Variants in SOCS7 observed in about 807,000 individuals in gnomAD.
SOCS7 encodes NAP-4.
Under a neutral mutation model 58.9 loss-of-function variants are expected in SOCS7, and 18 were observed. That is an observed-to-expected ratio of 0.31 (90% CI 0.21 to 0.45). SOCS7 has a LOEUF of 0.45. Among genes scored for constraint, SOCS7 ranks in the 20% least tolerant of loss-of-function variants. The probability of loss-of-function intolerance (pLI) is 1.00; values close to 1 mark genes in which losing one functional copy is unlikely to be tolerated. For missense variants in SOCS7, 667 were observed against 837.3 expected, an observed-to-expected ratio of 0.80 and a Z score of 2.51; for synonymous variants, 388 against 364.3, an observed-to-expected ratio of 1.06 and a Z score of -0.74.
At position 38,374,637 on chromosome 17, in the gene SOCS7, T is replaced by C. The variant is rs200429449; in HGVS notation, c.1553-3077T>C. ...AATCAAGGAAATCATGAAAGAGATA[T>C]GGCAAAAAAAGAAGGTGAAGGGTGA... On this transcript the variant is annotated intron_variant, in intron 6 of 9. Transcript: ENST00000612932. 1.2e-4 allele frequency among the ~76,000 whole-genome samples: 19 copies of C among 152,178 alleles called. No individual in the cohort carries two copies. In the East Asian group the frequency reaches 3.1e-3, roughly 25 times the overall value.
intron 6 of SOCS7, among the ~76,000 whole-genome samples, chr17:38,368,699 A>G (rs558422578): frequency 1.3e-4 from 20 of 152,156 alleles, no homozygotes; most frequent in Non-Finnish European, 2.4e-4. Flanking sequence ...ACAGTGTTTT[A>G]TTCTGTTGGC....
At chr17:38,385,087 G>A (rs1402883909) in intron 7 of SOCS7, among the ~76,000 whole-genome samples, 3 of 144,888 alleles carry the variant, frequency 2.1e-5, no homozygotes, top group African/African-American at 7.7e-5. Context: ...TAGTAGAGAC[G>A]GGGTTTCATC....
intron 7 of SOCS7, among the ~76,000 whole-genome samples, chr17:38,383,746 A>G (rs892094208): frequency 5.9e-5 from 9 of 151,778 alleles, no homozygotes; most frequent in African/African-American, 2.2e-4. Context: ...GTTTCACCAT[A>G]TTGGTCAGGC....
intron 7 of SOCS7, among the ~76,000 whole-genome samples, chr17:38,387,113 A>ATATATATATGTGTGTG (rs2038081852): frequency 1.3e-3 from 139 of 103,272 alleles, no homozygotes; most frequent in Non-Finnish European, 2.0e-3. Flanking sequence ...ATATATATAT[A>ATATATATATGTGTGTG]TATATATATA....
At chr17:38,370,071 G>A (rs1265524875) in intron 6 of SOCS7, among the ~76,000 whole-genome samples, 2 of 151,886 alleles carry the variant, frequency 1.3e-5, no homozygotes, top group African/African-American at 4.8e-5. Flanking sequence ...GATTACAGGC[G>A]TGAGCCACCA....
At chr17:38,390,610 A>C (rs1300506407) in intron 7 of SOCS7, among the ~76,000 whole-genome samples, 1 of 150,282 alleles carries the variant, frequency 6.7e-6, no homozygotes, top group East Asian at 1.9e-4. Context: ...AACTCTTTGA[A>C]CAATGTTTTA....
chr17:38,403,943 T>G lies in SOCS7; in HGVS notation c.*4461T>G, dbSNP rs2038355971. ...CAGTAGTTCAAAATGATTTATTTGC[T>G]CCTGGGGAGTAAAACCTTTTTTATT... On this transcript the variant is annotated 3_prime_UTR_variant, in exon 10 of 10. Coordinates refer to ENST00000612932, the MANE Select transcript of SOCS7 (RefSeq NM_014598.4). 6.6e-6 allele frequency: 1 copy of G among 151,674 alleles called. No individual in the cohort carries two copies. The allele number at this position is 151,674 out of a possible 1,614,324, so 9.4% of individuals were successfully genotyped here.
rs1162197890 is a variant in SOCS7 at position 38,352,730 on chromosome 17, G to T, written c.678G>T (p.Val226=). 6.5e-7 allele frequency: 1 copy of T among 1,549,964 alleles called. No homozygotes were observed. The highest frequency in any genetic ancestry group is 1.2e-5 in the South Asian group (1 of 84,044). ...LQPPGPELPP[V]PFPLQDLVPL... ...CCCCAGGCCCTGAATTACCTCCGGT[G>T]CCCTTCCCGCTGCAGGACTTGGTCC... is the stretch of plus-strand genomic sequence containing the variant. Residue 226 remains valine (V), a synonymous_variant, in exon 1 of 10, where the codon GTG becomes GTT. Transcript: ENST00000612932. The surrounding 1 kb of genome is among the most constrained non-coding windows in gnomAD (Gnocchi z 5.5).
At chr17:38,395,682 G>A (rs964005607) in intron 8 of SOCS7, among the ~76,000 whole-genome samples, 166 bp from the exon 9 acceptor site, 1 of 152,214 alleles carries the variant, frequency 6.6e-6, no homozygotes, top group South Asian at 2.1e-4. Flanking sequence ...GAAGAATAGA[G>A]TAGAAGTGGT....
At chr17:38,395,515 G>GGC (rs2038233827) in intron 8 of SOCS7, 71 bp downstream of exon 8, 1 of 1,470,444 alleles carries the variant, frequency 6.8e-7, no homozygotes, top group African/African-American at 1.4e-5. Context: ...ATGTCAGTGA[G>GGC]GCCTGCAAGC....
Position 38,387,133 on chromosome 17 carries a change from G to GTGTGTATATATATA in SOCS7, c.1682-8175_1682-8174insGTGTATATATATAT, listed in dbSNP as rs1269515665. ...TATATATATATATATATATATGTAT[G>GTGTGTATATATATA]TATATATATATATATATATGATTAA... On this transcript the variant is annotated intron_variant, in intron 7 of 9. Coordinates refer to ENST00000612932, the MANE Select transcript of SOCS7 (RefSeq NM_014598.4). Among the ~76,000 whole-genome samples the GTGTGTATATATATA allele has an allele frequency of 1.4e-4, 10 of 73,494 alleles. 2 individuals are homozygous for GTGTGTATATATATA. The highest frequency in any genetic ancestry group is 7.0e-4 in the African/African-American group (10 of 14,268). The allele number at this position is 73,494 out of a possible 152,430, so 48.2% of individuals were successfully genotyped here. A position where few individuals can be genotyped will look rare whatever the true frequency, so the allele number is the denominator to read the frequency against.
intron 7 of SOCS7, among the ~76,000 whole-genome samples, chr17:38,383,795 C>T (rs963529782): frequency 6.6e-6 from 1 of 152,126 alleles, no homozygotes; most frequent in East Asian, 1.9e-4. Context: ...CCACCCGCCT[C>T]GGCCTCCCAA....
intron 7 of SOCS7, among the ~76,000 whole-genome samples, chr17:38,391,470 A>G (rs1361070821): frequency 6.6e-6 from 1 of 152,184 alleles, no homozygotes; most frequent in Non-Finnish European, 1.5e-5. Context: ...AGCTCACTGC[A>G]GCCTCAGCCT....
intron 6 of SOCS7, 95 bp from the exon 7 acceptor site, chr17:38,377,619 C>A: frequency 7.9e-7 from 1 of 1,267,340 alleles, no homozygotes; most frequent in Non-Finnish European, 1.1e-6. Flanking sequence ...AACTGCCCTC[C>A]CAAAAGTGAG....
At chr17:38,389,552 A>T (rs12602343) in intron 7 of SOCS7, among the ~76,000 whole-genome samples, 14,254 of 152,066 alleles carry the variant, frequency 0.094, 758 homozygotes, top group East Asian at 0.19. Context: ...CAAAAAATAA[A>T]GTTCTTTATA....
At chr17:38,367,295 C>G (rs752685564) in intron 5 of SOCS7, among the ~76,000 whole-genome samples, 2 of 151,900 alleles carry the variant, frequency 1.3e-5, no homozygotes, top group Non-Finnish European at 2.9e-5. Context: ...GAACTCCTGA[C>G]CTCAGGTGAG....
In SOCS7 at chr17:38,401,354, A is replaced by G. The variant is rs183283986; in HGVS notation, c.*1872A>G. 1 of 152,292 alleles carries G rather than the reference A, an allele frequency of 6.6e-6. No homozygotes were observed. Among genetic ancestry groups the G allele is most frequent in the Admixed American group, 6.5e-5 (1 of 15,292 alleles). The allele number at this position is 152,292 out of a possible 1,614,324, so 9.4% of individuals were successfully genotyped here. A position where few individuals can be genotyped will look rare whatever the true frequency, so the allele number is the denominator to read the frequency against. On this transcript the variant is annotated 3_prime_UTR_variant, in exon 10 of 10. Coordinates refer to ENST00000612932, the MANE Select transcript of SOCS7 (RefSeq NM_014598.4). ...AGTGTTGCCTCGTGAGAGTACAAGT[A>G]ATATAACTCGCCATCTTGCAGGAAG...
In SOCS7 at chr17:38,368,373, A is replaced by G. The variant is rs1475635081; in HGVS notation, c.1552+323A>G. 4.6e-5 allele frequency among the ~76,000 whole-genome samples: 7 copies of G among 152,330 alleles called. No homozygotes were observed. In the South Asian group the frequency reaches 1.5e-3, roughly 32 times the overall value. ...TTTAGGTAAAAGGAAGAAAGAACCTAGGACCATTAGGCAAATTCTCACAAG... is the reference window on the plus strand; with the variant it reads ...TTTAGGTAAAAGGAAGAAAGAACCTGGGACCATTAGGCAAATTCTCACAAG... On this transcript the variant is annotated intron_variant, in intron 6 of 9. Transcript: ENST00000612932.
At chr17:38,398,654 C>T (rs1284152124) in intron 9 of SOCS7, among the ~76,000 whole-genome samples, 7 of 152,104 alleles carry the variant, frequency 4.6e-5, no homozygotes, top group Non-Finnish European at 5.9e-5. Flanking sequence ...TGTGCTGTTA[C>T]CTGGGGAATT....
Sources: gnomAD v4.1 joint callset for allele counts (sites outside exome capture counted in the v4.1 genomes callset) on GRCh38, gnomAD v4.1.1 for gene constraint, Gnocchi (gnomAD v3.1) non-coding constraint, MANE v1.5 for transcripts, NCBI Gene and HGNC (gene_info 2026-07-23, HGNC 2026-07-21) for gene names.